Variants in MYO7B observed in about 807,000 individuals in gnomAD.
MYO7B encodes the protein unconventional myosin-VIIb.
A neutral mutation model predicts 259.7 loss-of-function variants in MYO7B; 212 were observed. That is an observed-to-expected ratio of 0.82 (90% confidence interval 0.73 to 0.91). The LOEUF (loss-of-function observed/expected upper bound fraction) is 0.91, where lower values mean the gene tolerates loss of function less well. MYO7B is among the 40% of genes least tolerant of loss of function. The probability of loss-of-function intolerance (pLI) is 0.00; values close to 1 mark genes in which losing one functional copy is unlikely to be tolerated. For synonymous variants in MYO7B, 1,197 were observed against 1,166.4 expected (o/e 1.03, Z -0.54); for missense variants, 2,732 against 2,813.5 (o/e 0.97, Z 0.66).
In MYO7B at chr2:127,584,958, G is replaced by T. The variant is rs200150215; in HGVS notation, c.1690+45G>T. The T allele has an allele frequency of 6.2e-7, 1 of 1,607,648 alleles. No individual in the cohort carries two copies. The highest frequency in any genetic ancestry group is 1.3e-5 in the African/African-American group (1 of 74,950). On this transcript the variant is annotated intron_variant, in intron 14 of 47. Coordinates refer to ENST00000409816, the MANE Select transcript of MYO7B (RefSeq NM_001393586.1). The surrounding 1 kb of genome is among the most constrained non-coding windows in gnomAD (Gnocchi z 5.8). Reference sequence around the variant, plus strand: ...CATGTCCCTTCCAAATCTGGACCGGGTTCCAGGGAGACCGTGGAAAGCAGG... The same window carrying T: ...CATGTCCCTTCCAAATCTGGACCGGTTTCCAGGGAGACCGTGGAAAGCAGG...
chr2:127,609,681 C>G lies in MYO7B; in HGVS notation c.2990C>G (p.Pro997Arg), dbSNP rs1328515396. The G allele has an allele frequency of 6.2e-7, 1 of 1,613,980 alleles. No homozygotes were observed. Among genetic ancestry groups the G allele is most frequent in the Non-Finnish European group, 8.5e-7 (1 of 1,179,868 alleles). The change falls in exon 23 of 48, where the codon CCG becomes CGG. Residue 997 changes from proline (P) to arginine (R), a missense_variant. Pro to Arg is a moderately radical substitution (Grantham distance 103, BLOSUM62 -2). Transcript: ENST00000409816. The surrounding 1 kb of genome is among the most constrained non-coding windows in gnomAD (Gnocchi z 6.9). ...HTHIRRPLRY[P>R]LLYHEDDTDC... ...CACATCCGGCGGCCCCTCCGATACC[C>G]GTTGCTTTACCACGAAGATGACACT...
intron 31 of MYO7B, 175 bp from the exon 32 acceptor site, chr2:127,626,800 G>T: frequency 1.6e-6 from 1 of 610,748 alleles, no homozygotes; most frequent in African/African-American, 1.9e-5. Flanking sequence ...AAAAAGGATA[G>T]GGCTGCACCA....
chr2:127,631,680 G>A lies in MYO7B; in HGVS notation c.5176G>A (p.Ala1726Thr). Residue 1726 changes from alanine (A) to threonine (T), a missense_variant, in exon 38 of 48, where the codon GCC (alanine) becomes ACC (threonine). Physicochemically the swap from Ala to Thr is moderately conservative, Grantham distance 58. This residue lies in a region of MYO7B where 821 missense variants were observed against 769.3 expected (regional missense o/e 1.07). Coordinates refer to ENST00000409816, the MANE Select transcript of MYO7B (RefSeq NM_001393586.1). ...GCTCACCGACCAGATCTTCACACTG[G>A]CCCTGCAGCACCCGGCCCTCCAGGA... ...LELTDQIFTLALQHPALQDEV... is the reference protein window; with the variant it reads ...LELTDQIFTLTLQHPALQDEV... The A allele has an allele frequency of 6.2e-7, 1 of 1,613,072 alleles. No homozygotes were observed. Among genetic ancestry groups the A allele is most frequent in the Non-Finnish European group, 8.5e-7 (1 of 1,179,868 alleles).
chr2:127,625,494 C>T lies in MYO7B; in HGVS notation c.4174C>T (p.Pro1392Ser), dbSNP rs1489181598. 6.2e-7 allele frequency: 1 copy of T among 1,609,886 alleles called. No homozygotes were observed. The highest frequency in any genetic ancestry group is 1.3e-5 in the African/African-American group (1 of 74,792). ...CCACAAGCTGTACAGGACCAAGCCC[C>T]CAGACAGGTGGGCGAGCCTCGTCAC... ...IPHKLYRTKP[P>S]DRWASLVTAA... is the part of the protein sequence containing the mutation. The change falls in exon 31 of 48, where the codon CCA (proline) becomes TCA (serine). Residue 1392 changes from proline (P) to serine (S), a missense_variant. Transcript: ENST00000409816.
chr2:127,631,805 G>A (rs1681527829), intron 38 of MYO7B, 52 bp downstream of exon 38: 8 of 1,583,502 alleles, frequency 5.1e-6, no homozygotes, highest in Non-Finnish European at 6.9e-6. Flanking sequence ...CCTCATCCCG[G>A]CCCCTGAGGC....
At position 127,629,815 on chromosome 2, in the gene MYO7B, G is replaced by A; in HGVS notation, c.4795G>A (p.Ala1599Thr). The change falls in exon 35 of 48, where the codon GCA (alanine) becomes ACA (threonine). Residue 1599 changes from alanine (A) to threonine (T), a missense_variant. Around this residue, in one of 3 missense-constraint regions of MYO7B, gnomAD observed 821 missense variants for 769.3 expected, o/e 1.07. Transcript: ENST00000409816. Reference protein sequence around the residue: ...YTIPTVTKPSAQLLSLLAMSP... With the variant: ...YTIPTVTKPSTQLLSLLAMSP... ...CATCCCCACGGTCACTAAGCCCTCG[G>A]CACAGCTGCTGGTAACTGGCACGCT... 6.4e-7 allele frequency: 1 copy of A among 1,565,204 alleles called. No individual in the cohort carries two copies. Among genetic ancestry groups the A allele is most frequent in the Non-Finnish European group, 8.7e-7 (1 of 1,153,350 alleles).
Position 127,609,769 on chromosome 2 carries a change from T to G in MYO7B, c.3024+54T>G. ...TCAGGCCAGCCCCGAGCCTGGGGTG[T>G]GAGCTATGGCTCGGGGAAAGAAGGA... On this transcript the variant is annotated intron_variant, in intron 23 of 47. Coordinates refer to ENST00000409816, the MANE Select transcript of MYO7B (RefSeq NM_001393586.1). The surrounding 1 kb of genome is among the most constrained non-coding windows in gnomAD (Gnocchi z 6.9). 1 of 1,611,788 alleles carries G rather than the reference T, an allele frequency of 6.2e-7. No homozygotes were observed. The highest frequency in any genetic ancestry group is 8.5e-7 in the Non-Finnish European group (1 of 1,178,078).
chr2:127,616,659 G>A (rs866252808), intron 26 of MYO7B, among the ~76,000 whole-genome samples: 8 of 152,220 alleles, frequency 5.3e-5, no homozygotes, highest in African/African-American at 7.2e-5. Flanking sequence ...TTAACGTAAC[G>A]CACTCCGACT....
chr2:127,566,285 T>G (rs977713326), intron 4 of MYO7B, among the ~76,000 whole-genome samples: 3 of 152,192 alleles, frequency 2.0e-5, no homozygotes, highest in Admixed American at 1.3e-4. Context: ...GCCCAGTTGT[T>G]GACCAGCCTA....
chr2:127,601,227 T>C (rs1017122088), intron 19 of MYO7B, among the ~76,000 whole-genome samples: 1 of 152,242 alleles, frequency 6.6e-6, no homozygotes, highest in African/African-American at 2.4e-5. Context: ...AAGTTTCCTT[T>C]ATGGCCCAAA....
At chr2:127,632,956 CCT>C (rs1001001521) in intron 39 of MYO7B, among the ~76,000 whole-genome samples, 2 of 152,276 alleles carry the variant, frequency 1.3e-5, no homozygotes, top group African/African-American at 4.8e-5. Context: ...GCCCGATGCC[CCT>C]GTTGTGCGAG....
chr2:127,626,193 A>G (rs1430589961), intron 31 of MYO7B: 1 of 152,316 alleles, frequency 6.6e-6, no homozygotes, highest in African/African-American at 2.4e-5. Flanking sequence ...AAGGAAGGAG[A>G]CTGGAAGACA....
At chr2:127,598,586 C>T (rs565047699) in intron 19 of MYO7B, among the ~76,000 whole-genome samples, 43 of 152,312 alleles carry the variant, frequency 2.8e-4, no homozygotes, top group African/African-American at 8.2e-4. Flanking sequence ...TTTTAATCTT[C>T]GTAAAGTCTA....
rs543491500 is a variant in MYO7B, at chr2:127,590,556, G to C, written c.1992+327G>C. 6.6e-6 allele frequency among the ~76,000 whole-genome samples: 1 copy of C among 152,350 alleles called. No individual in the cohort carries two copies. The highest frequency in any genetic ancestry group is 2.4e-5 in the African/African-American group (1 of 41,582). ...GCTCCTGCCTGCAGGAATGCACTGAGGGTTGGACATGAGGTTTGCAGTACA... is the reference window on the plus strand; with the variant it reads ...GCTCCTGCCTGCAGGAATGCACTGACGGTTGGACATGAGGTTTGCAGTACA... On this transcript the variant is annotated intron_variant, in intron 16 of 47. Coordinates refer to ENST00000409816, the MANE Select transcript of MYO7B (RefSeq NM_001393586.1). This position sits in a 1 kb window ranked among gnomAD's most constrained non-coding sequence, Gnocchi z 4.6.
chr2:127,543,412 G>T (rs1204669962), intron 1 of MYO7B, among the ~76,000 whole-genome samples: 1 of 152,106 alleles, frequency 6.6e-6, no homozygotes, highest in African/African-American at 2.4e-5. Context: ...CGAGCACAGG[G>T]TTGGGGCTAG....
At chr2:127,594,515 G>A (rs1309346686) in intron 18 of MYO7B, among the ~76,000 whole-genome samples, 1 of 152,234 alleles carries the variant, frequency 6.6e-6, no homozygotes, top group East Asian at 1.9e-4. Flanking sequence ...CTGGGTCTCA[G>A]AGGCTAAGAT....
chr2:127,564,281 G>A lies in MYO7B; in HGVS notation c.132+15G>A, dbSNP rs185922581. ...ACGAGGGCAAGGTCAGTGTTCTGGG[G>A]TTTCCTCTGGGCCCTGCCCTGCCCT... On this transcript the variant is annotated intron_variant, in intron 3 of 47. Coordinates refer to ENST00000409816, the MANE Select transcript of MYO7B (RefSeq NM_001393586.1). 308 of 1,545,360 alleles carry A rather than the reference G, an allele frequency of 2.0e-4. No homozygotes were observed. The highest frequency in any genetic ancestry group is 2.5e-4 in the Non-Finnish European group (288 of 1,140,274).
At chr2:127,616,044 G>A (rs1182058691) in intron 26 of MYO7B, among the ~76,000 whole-genome samples, 1 of 152,210 alleles carries the variant, frequency 6.6e-6, no homozygotes, top group African/African-American at 2.4e-5. Flanking sequence ...GGCTTTTGTG[G>A]CTGCAGCCGG....
At chr2:127,573,133 C>G (rs537228305) in intron 6 of MYO7B, among the ~76,000 whole-genome samples, 2 of 152,270 alleles carry the variant, frequency 1.3e-5, no homozygotes, top group South Asian at 2.1e-4. Flanking sequence ...CCCAAGGAAC[C>G]CTTTTCCTTC....
Sources: allele counts gnomAD v4.1 joint callset (sites outside exome capture counted in the v4.1 genomes callset), GRCh38; gene constraint gnomAD v4.1.1; regional missense constraint gnomAD v4.1.1; non-coding constraint Gnocchi (gnomAD v3.1); transcripts MANE v1.5; gene names NCBI Gene and HGNC (gene_info 2026-07-23, HGNC 2026-07-21).